Variants in RBFOX1 observed in about 807,000 individuals in gnomAD.
The protein encoded by RBFOX1 is RNA binding protein fox-1 homolog 1.
A neutral mutation model predicts 57.7 loss-of-function variants in RBFOX1; 8 were observed. The observed-to-expected ratio is 0.14, with a 90% CI of 0.08 to 0.25. RBFOX1 has a LOEUF of 0.25. RBFOX1 is among the 10% of genes least tolerant of loss of function. The pLI, the probability that RBFOX1 is intolerant of heterozygous loss-of-function variation, is 1.00. For synonymous variants in RBFOX1, 326 were observed against 222.4 expected (o/e 1.47, Z -4.15); for missense variants, 611 against 548.5 (o/e 1.11, Z -1.14).
In RBFOX1 at chr16:7,276,989, G is replaced by C. The variant is rs1219530638; in HGVS notation, c.27+224891G>C. Among the ~76,000 whole-genome samples the C allele has an allele frequency of 5.9e-5, 9 of 152,320 alleles. No individual in the cohort carries two copies. In the East Asian group the frequency reaches 1.7e-3, roughly 29 times the overall value. ...AGCAGCTTATGTGCAGCAAATCGTA[G>C]ATGGTATAACTTTGCGTCTTTTTCA... is the stretch of plus-strand genomic sequence containing the variant. On this transcript the variant is annotated intron_variant, in intron 4 of 15. Transcript: ENST00000550418.
At chr16:5,730,927 C>G (rs2052343497) in intron 3 of RBFOX1, among the ~76,000 whole-genome samples, 1 of 152,068 alleles carries the variant, frequency 6.6e-6, no homozygotes, top group Non-Finnish European at 1.5e-5. Context: ...GCCATTGTCA[C>G]TGGTGTCACC....
At chr16:7,709,266 T>C (rs1375415245) in intron 15 of RBFOX1, 135 bp downstream of exon 15, 2 of 982,502 alleles carry the variant, frequency 2.0e-6, no homozygotes, top group East Asian at 2.7e-5. Flanking sequence ...GCAGCTAAAA[T>C]GCCACATTAA....
At chr16:6,179,352 G>C (rs1351157567) in intron 1 of RBFOX1, among the ~76,000 whole-genome samples, 1 of 152,160 alleles carries the variant, frequency 6.6e-6, no homozygotes, top group Non-Finnish European at 1.5e-5. Flanking sequence ...TATCACCTGT[G>C]TCCGCAGGTG....
chr16:6,696,185 C>A (rs977940526), intron 3 of RBFOX1, among the ~76,000 whole-genome samples: 2 of 152,268 alleles, frequency 1.3e-5, no homozygotes, highest in East Asian at 3.9e-4. Flanking sequence ...AGGAATAATA[C>A]TCTCTAGTTG....
In RBFOX1 at chr16:7,713,310, C is replaced by T. The variant is rs369915620; in HGVS notation, c.*2565C>T. Reference sequence around the variant, plus strand: ...AATAAAGAAAACTGGTTTGTAATATCAAAAAAATAAAAGCTTAGTCTGAAA... The same window carrying T: ...AATAAAGAAAACTGGTTTGTAATATTAAAAAAATAAAAGCTTAGTCTGAAA... On this transcript the variant is annotated 3_prime_UTR_variant, in exon 16 of 16. Coordinates refer to ENST00000550418, the MANE Select transcript of RBFOX1 (RefSeq NM_018723.4). The T allele has an allele frequency of 2.4e-4, 37 of 152,096 alleles. 1 individual carries two copies. In the East Asian group the frequency reaches 7.2e-3, roughly 29 times the overall value. 9.4% of individuals were successfully genotyped at this position (152,096 alleles called of 1,614,324 possible).
intron 1 of RBFOX1, among the ~76,000 whole-genome samples, chr16:6,060,383 G>C (rs753692689): frequency 6.6e-5 from 10 of 152,008 alleles, no homozygotes; most frequent in Non-Finnish European, 1.5e-4. Flanking sequence ...AACACTTACA[G>C]CAATGCCTAG....
chr16:5,466,350 G>A (rs1323429296), intron 1 of RBFOX1, among the ~76,000 whole-genome samples: 1 of 152,114 alleles, frequency 6.6e-6, no homozygotes, highest in Non-Finnish European at 1.5e-5. Context: ...GGGAGCATGT[G>A]TGGGGTTTGA....
chr16:5,519,274 G>A (rs996003693), intron 2 of RBFOX1, among the ~76,000 whole-genome samples: 6 of 152,308 alleles, frequency 3.9e-5, no homozygotes, highest in African/African-American at 1.4e-4. Flanking sequence ...GAATATCTGG[G>A]CTCCCATGCT....
chr16:6,832,845 C>G (rs892252538), intron 3 of RBFOX1, among the ~76,000 whole-genome samples: 2 of 152,242 alleles, frequency 1.3e-5, no homozygotes, highest in African/African-American at 4.8e-5. Flanking sequence ...TTAAGAATCC[C>G]AACTACGTAT....
At chr16:5,908,967 A>C (rs552762459) in intron 4 of RBFOX1, among the ~76,000 whole-genome samples, 1 of 152,094 alleles carries the variant, frequency 6.6e-6, no homozygotes, top group African/African-American at 2.4e-5. Flanking sequence ...CCAAACACCA[A>C]ATCTGCTAGA....
chr16:7,097,633 C>T (rs1411696430), intron 4 of RBFOX1, among the ~76,000 whole-genome samples: 4 of 152,166 alleles, frequency 2.6e-5, no homozygotes, highest in African/African-American at 9.7e-5. Context: ...TGCAAGTCTA[C>T]ATATGTACTA....
intron 10 of RBFOX1, among the ~76,000 whole-genome samples, chr16:7,616,445 T>C (rs2058460775): frequency 6.6e-6 from 1 of 152,222 alleles, no homozygotes; most frequent in African/African-American, 2.4e-5. Flanking sequence ...TGACCAACTC[T>C]CAAACCTCAG....
chr16:6,417,903 A>T (rs1351354473), intron 2 of RBFOX1, among the ~76,000 whole-genome samples: 1 of 152,156 alleles, frequency 6.6e-6, no homozygotes, highest in African/African-American at 2.4e-5. Context: ...TTCTTCTGAG[A>T]AAGGATGTAT....
chr16:6,054,869 G>A (rs996512311), intron 1 of RBFOX1, among the ~76,000 whole-genome samples: 12 of 152,032 alleles, frequency 7.9e-5, no homozygotes, highest in Admixed American at 2.0e-4. Context: ...TGCAACCTCT[G>A]CCTCTTGGGT....
chr16:6,422,667 A>G (rs146342072), intron 2 of RBFOX1, among the ~76,000 whole-genome samples: 556 of 152,268 alleles, frequency 3.7e-3, no homozygotes, highest in Non-Finnish European at 6.1e-3. Flanking sequence ...AAAAGAGAAC[A>G]AGAGGGGCGG....
At chr16:5,740,060 A>G (rs1416748034) in intron 3 of RBFOX1, among the ~76,000 whole-genome samples, 1 of 152,126 alleles carries the variant, frequency 6.6e-6, no homozygotes, top group Non-Finnish European at 1.5e-5. Flanking sequence ...TTTCCACAGC[A>G]AACAGAAGCC....
At chr16:5,850,059 C>T (rs1044490510) in intron 3 of RBFOX1, among the ~76,000 whole-genome samples, 7 of 152,190 alleles carry the variant, frequency 4.6e-5, no homozygotes, top group African/African-American at 2.4e-5. Flanking sequence ...CCAGTTTCAG[C>T]CACCCCAGGT....
intron 2 of RBFOX1, among the ~76,000 whole-genome samples, chr16:6,652,550 G>A (rs938054926): frequency 1.3e-5 from 2 of 152,096 alleles, no homozygotes; most frequent in East Asian, 1.9e-4. Flanking sequence ...GCATCTACAA[G>A]CCAGGAAGAG....
chr16:6,470,187 C>G (rs1271155585), intron 2 of RBFOX1, among the ~76,000 whole-genome samples: 1 of 152,280 alleles, frequency 6.6e-6, no homozygotes, highest in Non-Finnish European at 1.5e-5. Context: ...GTAGGGCTGG[C>G]TGTTTGTCTT....
Sources: allele counts gnomAD v4.1 joint callset (sites outside exome capture counted in the v4.1 genomes callset), GRCh38; gene constraint gnomAD v4.1.1; transcripts MANE v1.5; gene names NCBI Gene and HGNC (gene_info 2026-07-23, HGNC 2026-07-21).